SLC27A4: variants seen among roughly 807,000 people sequenced by gnomAD.
SLC27A4 encodes solute carrier family 27 member 4.
Under a neutral mutation model 64.4 loss-of-function variants are expected in SLC27A4, and 33 were observed. That is an observed-to-expected ratio of 0.51 (90% CI 0.39 to 0.68). SLC27A4 has a LOEUF of 0.68. SLC27A4 is among the 30% of genes least tolerant of loss of function. The probability of loss-of-function intolerance (pLI) is 0.00; values close to 1 mark genes in which losing one functional copy is unlikely to be tolerated. For missense variants in SLC27A4, 824 were observed against 883.5 expected, an observed-to-expected ratio of 0.93 and a Z score of 0.85; for synonymous variants, 377 against 370.0, an observed-to-expected ratio of 1.02 and a Z score of -0.22.
At chr9:128,344,893 C>G (rs974124775) in intron 2 of SLC27A4, among the ~76,000 whole-genome samples, 2 of 152,148 alleles carry the variant, frequency 1.3e-5, no homozygotes, top group South Asian at 4.1e-4. Context: ...ACCCTCCATC[C>G]ATGAAGCTTT....
At position 128,348,712 on chromosome 9, in the gene SLC27A4, C is replaced by T; in HGVS notation, c.715+9C>T. The T allele has an allele frequency of 1.9e-6, 3 of 1,613,684 alleles. No homozygotes were observed. The highest frequency in any genetic ancestry group is 2.5e-6 in the Non-Finnish European group (3 of 1,179,984). ...TGACAAGGGCTTCACAGGTGGGCTCCATCCCCTCCCCATAGAGGGGCTCTC... is the reference window on the plus strand; with the variant it reads ...TGACAAGGGCTTCACAGGTGGGCTCTATCCCCTCCCCATAGAGGGGCTCTC... On this transcript the variant is annotated intron_variant, in intron 4 of 12. Coordinates refer to ENST00000300456, the MANE Select transcript of SLC27A4 (RefSeq NM_005094.4).
At chr9:128,357,019 C>T (rs893828929) in intron 12 of SLC27A4, among the ~76,000 whole-genome samples, 12 of 142,114 alleles carry the variant, frequency 8.4e-5, no homozygotes, top group Non-Finnish European at 1.4e-4. Context: ...GCTTGAGCCC[C>T]GGAGGTGGAG....
chr9:128,347,179 T>C (rs1411240787), intron 3 of SLC27A4, among the ~76,000 whole-genome samples: 1 of 152,158 alleles, frequency 6.6e-6, no homozygotes, highest in Non-Finnish European at 1.5e-5. Flanking sequence ...TGCTGCCACA[T>C]TGGGCACCTG....
At position 128,360,650 on chromosome 9, in the gene SLC27A4, C is replaced by T; in HGVS notation, c.*159C>T. The T allele has an allele frequency of 4.4e-6, 3 of 686,036 alleles. No individual in the cohort carries two copies. Among genetic ancestry groups the T allele is most frequent in the South Asian group, 3.6e-5 (2 of 55,566 alleles). 42.5% of individuals were successfully genotyped at this position (686,036 alleles called of 1,614,324 possible). A position where few individuals can be genotyped will look rare whatever the true frequency, so the allele number is the denominator to read the frequency against. ...CCAAAACTGCCAAGTGACTCATTGC[C>T]TTCCCAACCCTTCCAGAGGCTTTCT... On this transcript the variant is annotated 3_prime_UTR_variant, in exon 13 of 13. Transcript: ENST00000300456.
In SLC27A4 at chr9:128,348,613, G is replaced by T; in HGVS notation, c.625G>T (p.Gly209Cys). ...CTTCTGCTCTGGCTCCTGGGAGCCCGGTGCGGTGCCTCCAAGCACAGAACA... is the reference window on the plus strand; with the variant it reads ...CTTCTGCTCTGGCTCCTGGGAGCCCTGTGCGGTGCCTCCAAGCACAGAACA... ...SLFCSGSWEP[G>C]AVPPSTEHLD... The change falls in exon 4 of 13, where the codon GGT becomes TGT. Residue 209 changes from glycine (G) to cysteine (C), a missense_variant. Gly to Cys is a radical substitution (Grantham distance 159, BLOSUM62 -3). Transcript: ENST00000300456. 1 of 1,613,724 alleles carries T rather than the reference G, an allele frequency of 6.2e-7. No homozygotes were observed. Among genetic ancestry groups the T allele is most frequent in the South Asian group, 1.1e-5 (1 of 91,076 alleles).
In SLC27A4 at chr9:128,360,506, C is replaced by CT. The variant is rs777740435; in HGVS notation, c.*16dup. On this transcript the variant is annotated 3_prime_UTR_variant, in exon 13 of 13. Coordinates refer to ENST00000300456, the MANE Select transcript of SLC27A4 (RefSeq NM_005094.4). ...AGAAGCTGTGATTCCCCCCATCCCT[C>CT]TGAGGGCCGGCGGATGCTGGATCCG... 4.3e-6 allele frequency: 7 copies of CT among 1,613,030 alleles called. No individual in the cohort carries two copies. In the East Asian group the frequency reaches 1.6e-4, roughly 36 times the overall value.
chr9:128,354,163 C>A lies in SLC27A4; in HGVS notation c.1324+622C>A, dbSNP rs138438879. On this transcript the variant is annotated intron_variant, in intron 9 of 12. Coordinates refer to ENST00000300456, the MANE Select transcript of SLC27A4 (RefSeq NM_005094.4). ...TTCACCATGTTGTCCAGGTTGGTCT[C>A]GAACTCCTGACTTCAAGTGATCCAT... is the stretch of plus-strand genomic sequence containing the variant. 4.5e-3 allele frequency among the ~76,000 whole-genome samples: 690 copies of A among 152,090 alleles called. 6 individuals are homozygous for A. Among genetic ancestry groups the A allele is most frequent in the African/African-American group, 0.016 (653 of 41,452 alleles).
intron 4 of SLC27A4, 37 bp downstream of exon 4, chr9:128,348,740 A>G (rs1832693811): frequency 1.2e-6 from 2 of 1,607,652 alleles, no homozygotes; most frequent in Non-Finnish European, 1.7e-6. Flanking sequence ...GGGCTCTCAC[A>G]CAGGCCCTGG....
At chr9:128,351,997 T>C (rs1229106872) in intron 6 of SLC27A4, among the ~76,000 whole-genome samples, 2 of 146,000 alleles carry the variant, frequency 1.4e-5, no homozygotes, top group Admixed American at 1.4e-4. Context: ...CCATCCTGGC[T>C]AACACGATGA....
At chr9:128,344,017 C>A (rs942634238) in intron 2 of SLC27A4, among the ~76,000 whole-genome samples, 1 of 152,166 alleles carries the variant, frequency 6.6e-6, no homozygotes, top group Non-Finnish European at 1.5e-5. Flanking sequence ...ATTTGTCAAT[C>A]TTGGTTGATT....
rs190347673 is a variant in SLC27A4, at chr9:128,358,464, G to A, written c.1775-1870G>A. ...AACTTAAATTTATTTATTTATTTGA[G>A]ATGGAGTCTTGCTCTATCGCCCAGG... is the stretch of plus-strand genomic sequence containing the variant. On this transcript the variant is annotated intron_variant, in intron 12 of 12. Transcript: ENST00000300456. Among the ~76,000 whole-genome samples the A allele has an allele frequency of 4.6e-5, 7 of 152,002 alleles. No individual in the cohort carries two copies. The East Asian group carries it at 1.4e-3, about 30-fold the overall frequency.
At position 128,350,289 on chromosome 9, in the gene SLC27A4, C is replaced by T. The variant is rs765328729; in HGVS notation, c.716-23C>T. 3.1e-6 allele frequency: 5 copies of T among 1,609,616 alleles called. No homozygotes were observed. In the South Asian group the frequency reaches 5.5e-5, roughly 18 times the overall value. ...CCCAGCCCTGAGCTGCCCCCGACAG[C>T]CACTCGCGTCTGTTTTCTTTAGATA... On this transcript the variant is annotated intron_variant, in intron 4 of 12. Coordinates refer to ENST00000300456, the MANE Select transcript of SLC27A4 (RefSeq NM_005094.4).
chr9:128,352,230 A>C (rs1453055332), intron 6 of SLC27A4, among the ~76,000 whole-genome samples: 1 of 152,104 alleles, frequency 6.6e-6, no homozygotes, highest in Non-Finnish European at 1.5e-5. Context: ...AATTGAAAAA[A>C]GGATGAGCAC....
rs751335397 is a variant in SLC27A4, at chr9:128,360,438, C to T, written c.1879C>T (p.Pro627Ser). The change falls in exon 13 of 13, where the codon CCG (proline) becomes TCG (serine). Residue 627 changes from proline (P) to serine (S), a missense_variant. Pro to Ser is a moderately conservative substitution (Grantham distance 74). Coordinates refer to ENST00000300456, the MANE Select transcript of SLC27A4 (RefSeq NM_005094.4). ...AGATGCCCAGAAGGGCCGCTACGTC[C>T]CGCTGGACCAAGAGGCCTACAGCCG... ...YLDAQKGRYV[P>S]LDQEAYSRIQ... 8.1e-6 allele frequency: 13 copies of T among 1,614,000 alleles called. No homozygotes were observed. Among genetic ancestry groups the T allele is most frequent in the Admixed American group, 1.7e-5 (1 of 59,998 alleles).
At chr9:128,358,102 G>A (rs117199693) in intron 12 of SLC27A4, among the ~76,000 whole-genome samples, 3,694 of 152,294 alleles carry the variant, frequency 0.024, 86 homozygotes, top group Non-Finnish European at 0.036. Flanking sequence ...GAAACAACCA[G>A]TTTATTGATG....
At position 128,355,570 on chromosome 9, in the gene SLC27A4, C is replaced by T. The variant is rs1832806985; in HGVS notation, c.1627+8C>T. 1 of 1,608,956 alleles carries T rather than the reference C, an allele frequency of 6.2e-7. No individual in the cohort carries two copies. The highest frequency in any genetic ancestry group is 8.5e-7 in the Non-Finnish European group (1 of 1,179,990). ...ATGGTGTCGAGGTGCCAGGTATGTGCAGGCAGGCGCGAGGTGTGGGTAGGG... is the reference window on the plus strand; with the variant it reads ...ATGGTGTCGAGGTGCCAGGTATGTGTAGGCAGGCGCGAGGTGTGGGTAGGG... On this transcript the variant is annotated splice_region_variant and intron_variant, in intron 11 of 12. Transcript: ENST00000300456.
chr9:128,342,004 T>G, intron 1 of SLC27A4: 2 of 458,534 alleles, frequency 4.4e-6, no homozygotes, highest in South Asian at 4.6e-5. Flanking sequence ...CCCAAAGTGC[T>G]GGGATTACAG....
At chr9:128,352,857 C>T (rs1271441310) in intron 7 of SLC27A4, 110 bp downstream of exon 7, 1 of 1,092,002 alleles carries the variant, frequency 9.2e-7, no homozygotes, top group Non-Finnish European at 1.4e-6. Flanking sequence ...TTCCAAAGGG[C>T]TCATTTGTGG....
Position 128,353,267 on chromosome 9 carries a change from G to T in SLC27A4, c.1197+33G>T. 4.3e-6 allele frequency: 7 copies of T among 1,611,084 alleles called. No homozygotes were observed. The highest frequency in any genetic ancestry group is 1.7e-5 in the Admixed American group (1 of 60,004). ...CAGGTTGGGGATGGGCGAGGCTGCTGCAGGGATGGCCCACAGAAGGCACTG... is the reference window on the plus strand; with the variant it reads ...CAGGTTGGGGATGGGCGAGGCTGCTTCAGGGATGGCCCACAGAAGGCACTG... On this transcript the variant is annotated intron_variant, in intron 8 of 12. Coordinates refer to ENST00000300456, the MANE Select transcript of SLC27A4 (RefSeq NM_005094.4). The surrounding 1 kb of genome is among the most constrained non-coding windows in gnomAD (Gnocchi z 4.9).
Sources: allele counts gnomAD v4.1 joint callset (sites outside exome capture counted in the v4.1 genomes callset), GRCh38; gene constraint gnomAD v4.1.1; non-coding constraint Gnocchi (gnomAD v3.1); transcripts MANE v1.5; gene names NCBI Gene and HGNC (gene_info 2026-07-23, HGNC 2026-07-21).